TMEM178B: variants seen among roughly 807,000 people sequenced by gnomAD.
The protein encoded by TMEM178B is transmembrane protein 178B.
A neutral mutation model predicts 31.0 loss-of-function variants in TMEM178B; 5 were observed. The observed-to-expected ratio is 0.16, with a 90% CI of 0.08 to 0.34. The LOEUF (loss-of-function observed/expected upper bound fraction) is 0.34. TMEM178B is among the 10% of genes least tolerant of loss of function. The pLI is 1.00. For synonymous variants in TMEM178B, 164 were observed against 164.0 expected, an observed-to-expected ratio of 1.00 and a Z score of 0.00; for missense variants, 275 against 400.3, an observed-to-expected ratio of 0.69 and a Z score of 2.67.
intron 2 of TMEM178B, among the ~76,000 whole-genome samples, chr7:141,266,571 G>A: frequency 6.6e-6 from 1 of 152,120 alleles, no homozygotes; most frequent in East Asian, 1.9e-4. Context: ...CAGGCTTTTG[G>A]CTTAAGGAAG....
chr7:141,510,709 A>AAAGAAAG, the TMEM178B span, among the ~76,000 whole-genome samples: 133 of 135,030 alleles, frequency 9.8e-4, no homozygotes, highest in African/African-American at 4.3e-3. Context: ...AAAAAAAAAA[A>AAAGAAAG]AAAGAAAAAA....
intron 2 of TMEM178B, among the ~76,000 whole-genome samples, chr7:141,351,644 AT>A (rs1281133534): frequency 1.8e-4 from 27 of 152,192 alleles, no homozygotes; most frequent in Non-Finnish European, 3.5e-4. Context: ...GGTTGTGGCC[AT>A]TTTTGCTCAG....
At chr7:141,355,809 C>A (rs1457331677) in intron 2 of TMEM178B, among the ~76,000 whole-genome samples, 1 of 152,144 alleles carries the variant, frequency 6.6e-6, no homozygotes, top group Admixed American at 6.5e-5. Context: ...AACTCATCAC[C>A]CAGGTGGTGA....
rs1425019375 is a variant in TMEM178B at position 141,475,680 on chromosome 7, G to A, written c.*4894G>A. On this transcript the variant is annotated 3_prime_UTR_variant, in exon 4 of 4. Coordinates refer to ENST00000565468, the MANE Select transcript of TMEM178B (RefSeq NM_001195278.2). ...GCAGGGCCCTGAGCCCCCAGAGATA[G>A]CAAAGAGGCCTAAAAGTTTAATGCC... The A allele has an allele frequency of 1.3e-5, 2 of 152,242 alleles. No individual in the cohort carries two copies. The highest frequency in any genetic ancestry group is 1.3e-4 in the Admixed American group (2 of 15,286). 9.4% of individuals were successfully genotyped at this position (152,242 alleles called of 1,614,324 possible).
chr7:141,405,536 C>T (rs1351086802), intron 2 of TMEM178B, among the ~76,000 whole-genome samples: 1 of 152,230 alleles, frequency 6.6e-6, no homozygotes, highest in East Asian at 1.9e-4. Context: ...CATGAACTAA[C>T]TTATATAAAA....
rs141707012 is a variant in TMEM178B at position 141,317,877 on chromosome 7, C to T, written c.496+105173C>T. 9.1e-3 allele frequency among the ~76,000 whole-genome samples: 1,380 copies of T among 152,158 alleles called. 14 individuals carry two copies. Among genetic ancestry groups the T allele is most frequent in the Non-Finnish European group, 0.012 (800 of 68,006 alleles). On this transcript the variant is annotated intron_variant, in intron 2 of 3. Transcript: ENST00000565468. ...TATATTGGGAAGTAAATTGTAACTG[C>T]GATGGTTGCCTAGAGGTATCAAAAG...
chr7:141,314,523 C>G lies in TMEM178B; in HGVS notation c.496+101819C>G, dbSNP rs189280048. On this transcript the variant is annotated intron_variant, in intron 2 of 3. Coordinates refer to ENST00000565468, the MANE Select transcript of TMEM178B (RefSeq NM_001195278.2). ...ACCACATACTCATTCCTCCTCCCATCTCTTTCTGGCCCCTGTGGTCTAGCT... is the reference window on the plus strand; with the variant it reads ...ACCACATACTCATTCCTCCTCCCATGTCTTTCTGGCCCCTGTGGTCTAGCT... 4.6e-5 allele frequency among the ~76,000 whole-genome samples: 7 copies of G among 152,290 alleles called. No individual in the cohort carries two copies. In the East Asian group the frequency reaches 1.4e-3, roughly 29 times the overall value.
intron 3 of TMEM178B, among the ~76,000 whole-genome samples, chr7:141,439,982 C>G (rs757183401): frequency 4.6e-5 from 7 of 152,232 alleles, no homozygotes; most frequent in African/African-American, 9.6e-5. Flanking sequence ...CTTTTCCAGA[C>G]AGGGAACACA....
At chr7:141,085,424 A>T (rs1794764664) in intron 1 of TMEM178B, among the ~76,000 whole-genome samples, 1 of 151,910 alleles carries the variant, frequency 6.6e-6, no homozygotes, top group African/African-American at 2.4e-5. Context: ...AGTTTGACAG[A>T]TTTGCTGCTT....
At chr7:141,263,389 G>A (rs2116365032) in intron 2 of TMEM178B, among the ~76,000 whole-genome samples, 1 of 152,280 alleles carries the variant, frequency 6.6e-6, no homozygotes, top group East Asian at 1.9e-4. Context: ...CCCAGGTACA[G>A]TCTTCCACTT....
the TMEM178B span, among the ~76,000 whole-genome samples, chr7:141,495,885 G>C: frequency 6.6e-6 from 1 of 152,214 alleles, no homozygotes; most frequent in African/African-American, 2.4e-5. Context: ...ACACAGTTGA[G>C]AGTCGCCCTG....
At chr7:141,498,015 A>G in the TMEM178B span, among the ~76,000 whole-genome samples, 18 of 152,164 alleles carry the variant, frequency 1.2e-4, no homozygotes, top group Admixed American at 1.0e-3. Flanking sequence ...AAAGGAGGCC[A>G]TTTCACTACC....
intron 2 of TMEM178B, among the ~76,000 whole-genome samples, chr7:141,346,056 C>A (rs1799614023): frequency 6.6e-6 from 1 of 151,902 alleles, no homozygotes. Context: ...CCTGTCTCTA[C>A]TAAAAATACA....
chr7:141,159,589 A>G (rs1372990840), intron 1 of TMEM178B, among the ~76,000 whole-genome samples: 1 of 152,222 alleles, frequency 6.6e-6, no homozygotes, highest in African/African-American at 2.4e-5. Flanking sequence ...AAAATGTGGC[A>G]TATTCATAGA....
chr7:141,340,282 C>T (rs972850819), intron 2 of TMEM178B, among the ~76,000 whole-genome samples: 51 of 152,192 alleles, frequency 3.4e-4, no homozygotes, highest in African/African-American at 1.1e-3. Context: ...CCATTTTGGA[C>T]TTCTGACCTA....
intron 1 of TMEM178B, among the ~76,000 whole-genome samples, chr7:141,122,215 G>C (rs534312965): frequency 6.6e-6 from 1 of 151,832 alleles, no homozygotes; most frequent in South Asian, 2.1e-4. Flanking sequence ...ACAGTGAAAA[G>C]GAAAAAAGGA....
intron 1 of TMEM178B, among the ~76,000 whole-genome samples, chr7:141,156,493 C>T (rs1047211761): frequency 2.0e-5 from 3 of 152,084 alleles, no homozygotes; most frequent in Non-Finnish European, 4.4e-5. Flanking sequence ...AAATGAAAAA[C>T]GTCAGCCACA....
At chr7:141,502,804 C>A in the TMEM178B span, among the ~76,000 whole-genome samples, 1 of 151,884 alleles carries the variant, frequency 6.6e-6, no homozygotes, top group Admixed American at 6.6e-5. Flanking sequence ...AAAAAGACAG[C>A]CATTACTGGC....
intron 3 of TMEM178B, among the ~76,000 whole-genome samples, chr7:141,450,553 C>T (rs546917630): frequency 6.6e-6 from 1 of 152,118 alleles, no homozygotes; most frequent in Non-Finnish European, 1.5e-5. Context: ...ACCCATCCAC[C>T]ATTCTTGGGG....
Sources: gnomAD v4.1 joint callset for allele counts (sites outside exome capture counted in the v4.1 genomes callset) on GRCh38, gnomAD v4.1.1 for gene constraint, MANE v1.5 for transcripts, NCBI Gene and HGNC (gene_info 2026-07-23, HGNC 2026-07-21) for gene names.